Variants in CCDC85A observed in about 807,000 individuals in gnomAD.
The protein encoded by CCDC85A is coiled-coil domain-containing protein 85A.
A neutral mutation model predicts 50.2 loss-of-function variants in CCDC85A; 38 were observed. The ratio of observed to expected loss-of-function variants is 0.76; its 90% CI spans 0.58 to 0.99. The LOEUF (loss-of-function observed/expected upper bound fraction) is 0.99, where lower values mean the gene tolerates loss of function less well. Among genes scored for constraint, CCDC85A ranks in the 50% least tolerant of loss-of-function variants. The pLI, the probability that CCDC85A is intolerant of heterozygous loss-of-function variation, is 0.00. For missense variants in CCDC85A, 820 were observed against 742.0 expected, an observed-to-expected ratio of 1.11 and a Z score of -1.22; for synonymous variants, 366 against 301.4, an observed-to-expected ratio of 1.21 and a Z score of -2.22.
chr2:56,302,975 G>A (rs909503419), intron 2 of CCDC85A, among the ~76,000 whole-genome samples: 1 of 152,114 alleles, frequency 6.6e-6, no homozygotes, highest in Non-Finnish European at 1.5e-5. Context: ...TAAGTCCTGT[G>A]GTGTGCTCAG....
At chr2:56,362,018 A>G (rs1675551629) in intron 3 of CCDC85A, among the ~76,000 whole-genome samples, 1 of 152,088 alleles carries the variant, frequency 6.6e-6, no homozygotes, top group Admixed American at 6.5e-5. Context: ...TGTGTTTTCA[A>G]GTAGAGCTAA....
intron 2 of CCDC85A, among the ~76,000 whole-genome samples, chr2:56,235,488 A>C (rs1668965478): frequency 6.8e-6 from 1 of 147,764 alleles, no homozygotes; most frequent in Non-Finnish European, 1.5e-5. Flanking sequence ...TAGGGAAAAG[A>C]CTAAAAAAAA....
intron 2 of CCDC85A, among the ~76,000 whole-genome samples, chr2:56,211,351 A>G (rs1299859914): frequency 6.6e-6 from 1 of 151,940 alleles, no homozygotes; most frequent in African/African-American, 2.4e-5. Flanking sequence ...ATATTCTCCT[A>G]TTCATATATT....
At chr2:56,236,445 T>C (rs1432595000) in intron 2 of CCDC85A, among the ~76,000 whole-genome samples, 1 of 152,160 alleles carries the variant, frequency 6.6e-6, no homozygotes, top group African/African-American at 2.4e-5. Context: ...CTTGGCCTTC[T>C]TCATAAGGTG....
At chr2:56,263,629 T>C (rs1222099475) in intron 2 of CCDC85A, among the ~76,000 whole-genome samples, 1 of 152,188 alleles carries the variant, frequency 6.6e-6, no homozygotes, top group Non-Finnish European at 1.5e-5. Flanking sequence ...TGTCTGTATA[T>C]ATAAGAATAT....
chr2:56,352,762 C>T (rs139139226), intron 3 of CCDC85A, among the ~76,000 whole-genome samples: 108 of 152,268 alleles, frequency 7.1e-4, no homozygotes, highest in African/African-American at 2.4e-3. Context: ...GATAGTAATT[C>T]GGAGAGGCAC....
chr2:56,381,749 T>G (rs2104408582), intron 5 of CCDC85A, among the ~76,000 whole-genome samples: 1 of 152,180 alleles, frequency 6.6e-6, no homozygotes, highest in South Asian at 2.1e-4. Context: ...TTTCTTTCCC[T>G]TTTCCTTTGC....
intron 2 of CCDC85A, among the ~76,000 whole-genome samples, chr2:56,313,593 A>G (rs187734962): frequency 5.9e-5 from 9 of 152,280 alleles, no homozygotes; most frequent in Non-Finnish European, 1.3e-4. Flanking sequence ...GGAGCCCTGT[A>G]TACTCAGTTT....
Position 56,342,862 on chromosome 2 carries a change from T to G in CCDC85A, c.1241-17T>G. On this transcript the variant is annotated splice_polypyrimidine_tract_variant and intron_variant, in intron 2 of 5. Transcript: ENST00000407595. ...AGACCTGTGTGTATAATGTGAGTTC[T>G]TTCTTTTTAATTTTAGAATCAACCT... 6.5e-7 allele frequency: 1 copy of G among 1,549,172 alleles called. No individual in the cohort carries two copies. Among genetic ancestry groups the G allele is most frequent in the Admixed American group, 1.9e-5 (1 of 53,022 alleles).
intron 2 of CCDC85A, among the ~76,000 whole-genome samples, chr2:56,239,906 T>G (rs903918485): frequency 1.3e-5 from 2 of 152,166 alleles, no homozygotes; most frequent in African/African-American, 4.8e-5. Context: ...TATTTATATC[T>G]GTTTTATGGT....
chr2:56,317,288 C>T (rs1269110928), intron 2 of CCDC85A, among the ~76,000 whole-genome samples: 1 of 152,080 alleles, frequency 6.6e-6, no homozygotes, highest in African/African-American at 2.4e-5. Context: ...ATATTTTCCA[C>T]AAAATAAATT....
At chr2:56,329,136 A>G (rs922251868) in intron 2 of CCDC85A, among the ~76,000 whole-genome samples, 5 of 151,926 alleles carry the variant, frequency 3.3e-5, no homozygotes, top group African/African-American at 1.2e-4. Flanking sequence ...CACTTTGAGC[A>G]TTTCAGCCAC....
At chr2:56,276,439 G>T (rs565120117) in intron 2 of CCDC85A, among the ~76,000 whole-genome samples, 2 of 152,052 alleles carry the variant, frequency 1.3e-5, no homozygotes. Context: ...CCCACGTGTC[G>T]TAGGAGGAAC....
intron 2 of CCDC85A, among the ~76,000 whole-genome samples, chr2:56,338,986 G>GT (rs1455969491): frequency 5.3e-5 from 8 of 152,066 alleles, no homozygotes; most frequent in African/African-American, 1.7e-4. Flanking sequence ...GTGTATTTTT[G>GT]TTTGAGTATC....
At chr2:56,264,786 C>A (rs757648119) in intron 2 of CCDC85A, among the ~76,000 whole-genome samples, 2 of 152,166 alleles carry the variant, frequency 1.3e-5, no homozygotes, top group Non-Finnish European at 2.9e-5. Flanking sequence ...CTTCTTTCTG[C>A]CTCACCTCCC....
intron 2 of CCDC85A, among the ~76,000 whole-genome samples, chr2:56,198,629 A>G (rs1676619540): frequency 6.6e-6 from 1 of 152,218 alleles, no homozygotes. Context: ...AGAAAATTGC[A>G]ATATATATCA....
At chr2:56,383,602 A>G in intron 5 of CCDC85A, 1 of 984,988 alleles carries the variant, frequency 1.0e-6, no homozygotes, top group Non-Finnish European at 1.2e-6. Flanking sequence ...CTACATTTGG[A>G]TGCTTTGTGT....
chr2:56,222,195 A>T (rs1206337155), intron 2 of CCDC85A, among the ~76,000 whole-genome samples: 6 of 152,092 alleles, frequency 3.9e-5, no homozygotes, highest in Non-Finnish European at 5.9e-5. Flanking sequence ...AAACTAGAAA[A>T]TCTAGGTGAT....
intron 2 of CCDC85A, among the ~76,000 whole-genome samples, chr2:56,222,284 A>T (rs1040866149): frequency 6.6e-6 from 1 of 152,184 alleles, no homozygotes. Flanking sequence ...CATTTAAAAA[A>T]TGATTCCCAA....
Sources: gnomAD v4.1 joint callset for allele counts (sites outside exome capture counted in the v4.1 genomes callset) on GRCh38, gnomAD v4.1.1 for gene constraint, MANE v1.5 for transcripts, NCBI Gene and HGNC (gene_info 2026-07-23, HGNC 2026-07-21) for gene names.